Variants in PARP4 observed in about 807,000 individuals in gnomAD.
The protein encoded by PARP4 is protein mono-ADP-ribosyltransferase PARP4.
PARP4 carries 120 observed loss-of-function variants against 187.7 expected under a neutral mutation model. The ratio of observed to expected loss-of-function variants is 0.64; its 90% CI spans 0.55 to 0.74. PARP4 has a LOEUF of 0.74. PARP4 is among the 30% of genes least tolerant of loss of function. The pLI is 0.00. For missense variants in PARP4, 1,836 were observed against 2,070.5 expected (o/e 0.89, Z 2.20); for synonymous variants, 654 against 740.9 (o/e 0.88, Z 1.90).
At chr13:24,484,826 C>T (rs1873469348) in intron 11 of PARP4, 78 bp from the exon 12 acceptor site, 1 of 898,746 alleles carries the variant, frequency 1.1e-6, no homozygotes, top group Non-Finnish European at 1.8e-6. Flanking sequence ...TTGGCAGGTT[C>T]CTACTGAACT....
chr13:24,434,764 G>C lies in PARP4; in HGVS notation c.4377C>G (p.Ser1459=). The change falls in exon 31 of 34, where the codon TCC becomes TCG. Residue 1459 remains serine (S), a synonymous_variant. Coordinates refer to ENST00000381989, the MANE Select transcript of PARP4 (RefSeq NM_006437.4). ...CGGAAGGTTGAAAATGAAAAGGAGAGGAAGCAGAGGGATGATAAGACCCAA... is the reference window on the plus strand; with the variant it reads ...CGGAAGGTTGAAAATGAAAAGGAGACGAAGCAGAGGGATGATAAGACCCAA... ...RGFGSYHPSA[S]SPFHFQPSAA... The C allele has an allele frequency of 6.2e-7, 1 of 1,612,748 alleles. No homozygotes were observed. Among genetic ancestry groups the C allele is most frequent in the Non-Finnish European group, 8.5e-7 (1 of 1,179,406 alleles).
At chr13:24,479,408 C>T (rs1378788473) in intron 12 of PARP4, among the ~76,000 whole-genome samples, 1 of 152,194 alleles carries the variant, frequency 6.6e-6, no homozygotes, top group African/African-American at 2.4e-5. Context: ...TCCTATCTCA[C>T]CACGTTCTGG....
chr13:24,459,321 A>C lies in PARP4; in HGVS notation c.2299-11T>G, dbSNP rs1223927373. ...CTTCTCTACTGTATCCTGTTAAAAGAAAAATACATTTGTATAACTAAGCAT... is the reference window on the plus strand; with the variant it reads ...CTTCTCTACTGTATCCTGTTAAAAGCAAAATACATTTGTATAACTAAGCAT... On this transcript the variant is annotated splice_polypyrimidine_tract_variant and intron_variant, in intron 18 of 33. Coordinates refer to ENST00000381989, the MANE Select transcript of PARP4 (RefSeq NM_006437.4). 1.9e-6 allele frequency: 3 copies of C among 1,538,992 alleles called. No homozygotes were observed. In the Admixed American group the frequency reaches 5.9e-5, roughly 30 times the overall value.
At chr13:24,487,345 C>T (rs1873619557) in intron 10 of PARP4, among the ~76,000 whole-genome samples, 1 of 151,898 alleles carries the variant, frequency 6.6e-6, no homozygotes, top group Non-Finnish European at 1.5e-5. Context: ...AGAAAGTACT[C>T]TCTTGGGAGG....
rs1391942290 is a variant in PARP4 at position 24,426,596 on chromosome 13, C to T, written c.4849G>A (p.Val1617Ile). 6.2e-7 allele frequency: 1 copy of T among 1,610,202 alleles called. No homozygotes were observed. The highest frequency in any genetic ancestry group is 1.3e-5 in the African/African-American group (1 of 74,836). Residue 1617 changes from valine to isoleucine, a missense_variant and splice_region_variant, in exon 33 of 34, where the codon GTA (valine) becomes ATA (isoleucine). By Grantham distance (29) the Val-to-Ile change is conservative (BLOSUM62 3). Transcript: ENST00000381989. ...TCCAGGAGACATTCTCTTCCTTTTACACCTAAAAGGAAAAAAACTCCGTTA... is the reference window on the plus strand; with the variant it reads ...TCCAGGAGACATTCTCTTCCTTTTATACCTAAAAGGAAAAAAACTCCGTTA... Reference protein sequence around the residue: ...LKQKGIQSLGVKGRECLLDLI... With the variant: ...LKQKGIQSLGIKGRECLLDLI...
intron 1 of PARP4, among the ~76,000 whole-genome samples, chr13:24,507,089 G>T (rs1019225672): frequency 6.6e-6 from 1 of 152,182 alleles, no homozygotes; most frequent in Non-Finnish European, 1.5e-5. Context: ...CGGGGCCAGC[G>T]GGCTGCTCAG....
chr13:24,443,571 T>C (rs1871058991), intron 28 of PARP4, 79 bp downstream of exon 28: 1 of 1,055,856 alleles, frequency 9.5e-7, no homozygotes, highest in Non-Finnish European at 1.5e-6. Context: ...CTGACCTCAC[T>C]TTCCATTTCC....
chr13:24,429,643 A>G (rs1428880142), intron 32 of PARP4, among the ~76,000 whole-genome samples: 2 of 151,860 alleles, frequency 1.3e-5, no homozygotes, highest in Admixed American at 1.3e-4. Flanking sequence ...TGCCACTTGA[A>G]CTCTAAACTC....
intron 33 of PARP4, among the ~76,000 whole-genome samples, chr13:24,423,683 TTTC>T (rs1375059939): frequency 6.6e-6 from 1 of 152,104 alleles, no homozygotes. Context: ...AAATTATGAT[TTTC>T]TTTTTTTTTC....
chr13:24,494,055 C>T (rs2137534181), intron 7 of PARP4, among the ~76,000 whole-genome samples: 1 of 152,320 alleles, frequency 6.6e-6, no homozygotes, highest in South Asian at 2.1e-4. Flanking sequence ...GTTGTAAAGA[C>T]ATCTCCCAAA....
intron 20 of PARP4, among the ~76,000 whole-genome samples, chr13:24,456,836 G>A (rs1871882712): frequency 6.6e-6 from 1 of 151,992 alleles, no homozygotes; most frequent in Admixed American, 6.6e-5. Context: ...GGAGGTAAAG[G>A]TTGCAGTGAG....
intron 10 of PARP4, among the ~76,000 whole-genome samples, chr13:24,486,962 A>G (rs893200569): frequency 5.5e-4 from 83 of 152,148 alleles, no homozygotes; most frequent in African/African-American, 1.9e-3. Context: ...ACTCTGTCTC[A>G]AAGAAAAGAA....
At chr13:24,477,079 C>G (rs952862186) in intron 14 of PARP4, among the ~76,000 whole-genome samples, 2 of 152,202 alleles carry the variant, frequency 1.3e-5, no homozygotes, top group African/African-American at 4.8e-5. Flanking sequence ...CAAGGTTCCA[C>G]AGGTTTTAGC....
chr13:24,461,627 C>G (rs1464801517), intron 17 of PARP4, among the ~76,000 whole-genome samples: 2 of 152,218 alleles, frequency 1.3e-5, no homozygotes, highest in African/African-American at 4.8e-5. Context: ...CATATCCCCA[C>G]AGCCTTCCAC....
Position 24,500,300 on chromosome 13 carries a change from G to C in PARP4, c.401+16C>G. 6.6e-7 allele frequency: 1 copy of C among 1,514,216 alleles called. No homozygotes were observed. The highest frequency in any genetic ancestry group is 9.1e-7 in the Non-Finnish European group (1 of 1,103,300). 93.8% of individuals were successfully genotyped at this position (1,514,216 alleles called of 1,614,324 possible). Reference sequence around the variant, plus strand: ...AAACTCTGTAGAGTCCCAGGAATCAGAAAGAAGTAAATTACTCAGTGAGTT... The same window carrying C: ...AAACTCTGTAGAGTCCCAGGAATCACAAAGAAGTAAATTACTCAGTGAGTT... On this transcript the variant is annotated intron_variant, in intron 4 of 33. Transcript: ENST00000381989.
At chr13:24,499,249 T>C (rs1200809414) in intron 5 of PARP4, 52 bp downstream of exon 5, 12 of 1,494,920 alleles carry the variant, frequency 8.0e-6, no homozygotes, top group Admixed American at 5.0e-5. Context: ...CAGAAGACAT[T>C]CAAACAGGTG....
intron 21 of PARP4, among the ~76,000 whole-genome samples, chr13:24,456,085 C>T (rs1472839203): frequency 6.6e-6 from 1 of 152,086 alleles, no homozygotes; most frequent in African/African-American, 2.4e-5. Flanking sequence ...TCTGATGGCA[C>T]ATGTTCTTTT....
chr13:24,447,255 ATAAAG>A, intron 25 of PARP4, 69 bp from the exon 26 acceptor site: 2 of 1,168,308 alleles, frequency 1.7e-6, no homozygotes, highest in Admixed American at 2.9e-5. Context: ...CACATTTAAA[ATAAAG>A]TATACATTCT....
At chr13:24,503,297 A>G (rs1363296901) in intron 2 of PARP4, among the ~76,000 whole-genome samples, 7 of 152,246 alleles carry the variant, frequency 4.6e-5, no homozygotes, top group Non-Finnish European at 1.0e-4. Flanking sequence ...GTGAGTGACG[A>G]CAGTGCGCTT....
Sources: gnomAD v4.1 joint callset for allele counts (sites outside exome capture counted in the v4.1 genomes callset) on GRCh38, gnomAD v4.1.1 for gene constraint, MANE v1.5 for transcripts, NCBI Gene and HGNC (gene_info 2026-07-23, HGNC 2026-07-21) for gene names.